Variants in KPNA1 observed in about 807,000 individuals in gnomAD.
The protein encoded by KPNA1 is karyopherin subunit alpha 1.
Under a neutral mutation model 70.5 loss-of-function variants are expected in KPNA1, and 10 were observed. That is an observed-to-expected ratio of 0.14 (90% CI 0.09 to 0.24). The LOEUF (loss-of-function observed/expected upper bound fraction) is 0.24, where lower values mean the gene tolerates loss of function less well. Ranked by LOEUF, KPNA1 falls within the 10% of genes least tolerant of loss-of-function variation. The pLI is 1.00. For missense variants in KPNA1, 397 were observed against 637.9 expected, an observed-to-expected ratio of 0.62 and a Z score of 4.07; for synonymous variants, 192 against 221.9, an observed-to-expected ratio of 0.87 and a Z score of 1.20.
Position 122,495,761 on chromosome 3 carries a change from T to C in KPNA1, c.129+676A>G, listed in dbSNP as rs116350775. ...AAAAAAAAAAAAGTCACTTAAGCCT[T>C]ATGTCTTTTCATTTCTTTGCCGAAT... On this transcript the variant is annotated intron_variant, in intron 2 of 13. Transcript: ENST00000344337. 3.4e-3 allele frequency among the ~76,000 whole-genome samples: 509 copies of C among 148,804 alleles called. 3 individuals are homozygous for C. Among genetic ancestry groups the C allele is most frequent in the African/African-American group, 0.011 (450 of 40,832 alleles).
chr3:122,513,854 CAG>C, intron 1 of KPNA1, among the ~76,000 whole-genome samples: 1 of 152,182 alleles, frequency 6.6e-6, no homozygotes, highest in Non-Finnish European at 1.5e-5. Flanking sequence ...AGTTTGAGCT[CAG>C]GAGTTGGAGT....
intron 2 of KPNA1, among the ~76,000 whole-genome samples, chr3:122,479,626 G>C (rs538763983): frequency 2.6e-5 from 4 of 152,174 alleles, no homozygotes; most frequent in Non-Finnish European, 5.9e-5. Flanking sequence ...CGGGAGTGGT[G>C]GTAGGCGCCT....
intron 2 of KPNA1, among the ~76,000 whole-genome samples, chr3:122,495,361 G>C (rs945701057): frequency 6.7e-6 from 1 of 148,848 alleles, no homozygotes; most frequent in Non-Finnish European, 1.5e-5. Flanking sequence ...AAATAAATAA[G>C]AGAAAATTAA....
At chr3:122,469,866 T>C (rs746580754) in intron 2 of KPNA1, among the ~76,000 whole-genome samples, 3 of 152,164 alleles carry the variant, frequency 2.0e-5, no homozygotes, top group South Asian at 2.1e-4. Flanking sequence ...AGTGAAATAT[T>C]TGAAGTGTTG....
intron 1 of KPNA1, among the ~76,000 whole-genome samples, chr3:122,504,523 G>A (rs2076867434): frequency 6.6e-6 from 1 of 152,206 alleles, no homozygotes; most frequent in African/African-American, 2.4e-5. Context: ...TCTGGAGCTT[G>A]TGCAATGTTG....
At chr3:122,446,061 G>A (rs1330519187) in intron 9 of KPNA1, among the ~76,000 whole-genome samples, 2 of 152,024 alleles carry the variant, frequency 1.3e-5, no homozygotes, top group East Asian at 1.9e-4. Flanking sequence ...ACACTCCCAC[G>A]CAATAATAAT....
intron 2 of KPNA1, among the ~76,000 whole-genome samples, chr3:122,486,892 C>T (rs759295825): frequency 9.9e-5 from 15 of 152,270 alleles, no homozygotes; most frequent in Non-Finnish European, 1.6e-4. Flanking sequence ...GATATTAAAG[C>T]ACACACTATT....
intron 2 of KPNA1, among the ~76,000 whole-genome samples, chr3:122,495,266 A>AAAAAAAAAAAAG (rs1484536148): frequency 6.6e-6 from 1 of 151,148 alleles, no homozygotes; most frequent in Non-Finnish European, 1.5e-5. Flanking sequence ...ACAAACCAAA[A>AAAAAAAAAAAAG]AAAAAAAAAG....
intron 12 of KPNA1, among the ~76,000 whole-genome samples, chr3:122,432,070 G>A (rs111241807): frequency 0.015 from 2,285 of 152,244 alleles, 59 homozygotes; most frequent in African/African-American, 0.053. Flanking sequence ...CCAAAGTGGT[G>A]GGATTACAGA....
chr3:122,456,685 T>C (rs2076268333), intron 5 of KPNA1, among the ~76,000 whole-genome samples: 1 of 149,704 alleles, frequency 6.7e-6, no homozygotes, highest in South Asian at 2.1e-4. Flanking sequence ...TGAATACAGA[T>C]GGTAAAAAAA....
Position 122,464,046 on chromosome 3 carries a change from G to A in KPNA1, c.238-5C>T, listed in dbSNP as rs746316812. 5.9e-6 allele frequency: 9 copies of A among 1,513,164 alleles called. No homozygotes were observed. The highest frequency in any genetic ancestry group is 4.6e-5 in the East Asian group (2 of 43,504). 93.7% of individuals were successfully genotyped at this position (1,513,164 alleles called of 1,614,324 possible). On this transcript the variant is annotated splice_polypyrimidine_tract_variant and splice_region_variant and intron_variant, in intron 3 of 13. Transcript: ENST00000344337. ...GTCAGAAGTGATGACACCACCCTGCGATCACAAACAAAAAGAACATATAAT... is the reference window on the plus strand; with the variant it reads ...GTCAGAAGTGATGACACCACCCTGCAATCACAAACAAAAAGAACATATAAT...
chr3:122,479,653 G>A lies in KPNA1; in HGVS notation c.130-12224C>T, dbSNP rs1047117359. On this transcript the variant is annotated intron_variant, in intron 2 of 13. Transcript: ENST00000344337. ...TAGGCGCCTGTAATCCCAGCTACTC[G>A]GGAGGCTGAGGCAGGAGAATCACTT... is the stretch of plus-strand genomic sequence containing the variant. Among the ~76,000 whole-genome samples the A allele has an allele frequency of 2.4e-4, 37 of 151,918 alleles. 1 individual carries two copies. The highest frequency in any genetic ancestry group is 7.5e-4 in the African/African-American group (31 of 41,356).
intron 8 of KPNA1, 62 bp from the exon 9 acceptor site, chr3:122,449,799 T>G: frequency 4.9e-3 from 4,893 of 1,002,240 alleles, no homozygotes; most frequent in Non-Finnish European, 6.7e-3. Context: ...TGAGGTGAGA[T>G]ACTCAAGAAG....
chr3:122,438,864 TA>T (rs1031460847), intron 10 of KPNA1, among the ~76,000 whole-genome samples: 2 of 152,152 alleles, frequency 1.3e-5, no homozygotes, highest in Non-Finnish European at 2.9e-5. Context: ...AAAGAAATTA[TA>T]GGGGAAAATA....
At chr3:122,475,819 G>A (rs1189229977) in intron 2 of KPNA1, among the ~76,000 whole-genome samples, 1 of 152,084 alleles carries the variant, frequency 6.6e-6, no homozygotes, top group Non-Finnish European at 1.5e-5. Context: ...AAAAGAAAAT[G>A]TTATTTAGAA....
At chr3:122,507,001 A>T (rs865818169) in intron 1 of KPNA1, among the ~76,000 whole-genome samples, 1 of 152,346 alleles carries the variant, frequency 6.6e-6, no homozygotes. Context: ...AAAAAACCTA[A>T]AAGTTCCAAT....
intron 6 of KPNA1, 59 bp downstream of exon 6, chr3:122,453,811 T>C: frequency 6.5e-7 from 1 of 1,540,588 alleles, no homozygotes; most frequent in Non-Finnish European, 8.8e-7. Flanking sequence ...ATTACAGGAG[T>C]GAGCGACATG....
At chr3:122,452,131 A>C (rs1238308144) in intron 6 of KPNA1, 67 bp from the exon 7 acceptor site, 1 of 990,086 alleles carries the variant, frequency 1.0e-6, no homozygotes, top group African/African-American at 1.6e-5. Context: ...TTCAGATGCC[A>C]GTATATCACA....
intron 2 of KPNA1, among the ~76,000 whole-genome samples, chr3:122,476,208 A>T (rs1471551285): frequency 1.3e-5 from 2 of 152,240 alleles, no homozygotes; most frequent in Non-Finnish European, 2.9e-5. Flanking sequence ...TCTCTTCAAT[A>T]AATGGGGCTC....
Sources: allele counts gnomAD v4.1 joint callset (sites outside exome capture counted in the v4.1 genomes callset), GRCh38; gene constraint gnomAD v4.1.1; transcripts MANE v1.5; gene names NCBI Gene and HGNC (gene_info 2026-07-23, HGNC 2026-07-21).